The following MACROD2 variants were observed in gnomAD, a reference collection of about 807,000 sequenced individuals.
MACROD2 encodes mono-ADP ribosylhydrolase 2, also known as ADP-ribose glycohydrolase MACROD2.
A neutral mutation model predicts 70.4 loss-of-function variants in MACROD2; 36 were observed. The observed-to-expected ratio is 0.51, with a 90% CI of 0.39 to 0.68. MACROD2 has a LOEUF of 0.68. Ranked by LOEUF, MACROD2 falls within the 30% of genes least tolerant of loss-of-function variation. The pLI is 0.00. For synonymous variants in MACROD2, 172 were observed against 178.8 expected, an observed-to-expected ratio of 0.96 and a Z score of 0.30; for missense variants, 496 against 538.4, an observed-to-expected ratio of 0.92 and a Z score of 0.78.
intron 3 of MACROD2, among the ~76,000 whole-genome samples, chr20:14,178,893 G>A (rs989590858): frequency 6.6e-6 from 1 of 151,944 alleles, no homozygotes; most frequent in African/African-American, 2.4e-5. Context: ...TTACACGATG[G>A]TTCCAAACTC....
At chr20:15,047,152 T>C (rs1217480708) in intron 5 of MACROD2, among the ~76,000 whole-genome samples, 1 of 152,234 alleles carries the variant, frequency 6.6e-6, no homozygotes, top group African/African-American at 2.4e-5. Flanking sequence ...CATCATTATT[T>C]AGAAAATTTG....
chr20:14,440,081 A>G (rs996780105), intron 3 of MACROD2, among the ~76,000 whole-genome samples: 1 of 152,182 alleles, frequency 6.6e-6, no homozygotes, highest in Non-Finnish European at 1.5e-5. Flanking sequence ...CAAAGGGAAA[A>G]TATTGAAGAT....
chr20:14,754,246 G>T (rs1430930893), intron 5 of MACROD2, among the ~76,000 whole-genome samples: 2 of 152,060 alleles, frequency 1.3e-5, no homozygotes, highest in African/African-American at 4.8e-5. Flanking sequence ...TCACCGGGAT[G>T]GTTGTTATTG....
intron 4 of MACROD2, among the ~76,000 whole-genome samples, chr20:14,537,193 T>C (rs554824255): frequency 2.6e-5 from 4 of 152,306 alleles, no homozygotes; most frequent in Non-Finnish European, 5.9e-5. Flanking sequence ...AAGCATTATA[T>C]GGTGTCCTAG....
At chr20:14,777,129 T>C (rs915073827) in intron 5 of MACROD2, among the ~76,000 whole-genome samples, 1 of 152,112 alleles carries the variant, frequency 6.6e-6, no homozygotes, top group Non-Finnish European at 1.5e-5. Flanking sequence ...TAAATATTCT[T>C]GCACATGTCT....
intron 3 of MACROD2, among the ~76,000 whole-genome samples, chr20:14,454,809 G>A (rs2084282526): frequency 7.5e-6 from 1 of 133,774 alleles, no homozygotes; most frequent in Admixed American, 8.8e-5. Flanking sequence ...CTGGAGTGCA[G>A]TGGTGAGATC....
intron 5 of MACROD2, among the ~76,000 whole-genome samples, chr20:14,767,764 A>G (rs1568784669): frequency 2.0e-5 from 3 of 151,742 alleles, no homozygotes; most frequent in Non-Finnish European, 2.9e-5. Flanking sequence ...TACATTAGGT[A>G]TTTCTCCTAA....
At chr20:14,840,330 G>A (rs908507329) in intron 5 of MACROD2, among the ~76,000 whole-genome samples, 5 of 152,072 alleles carry the variant, frequency 3.3e-5, no homozygotes, top group East Asian at 1.9e-4. Context: ...GAGCCATCAC[G>A]CCTGGCCAGA....
chr20:15,571,775 T>G (rs1201309504), intron 8 of MACROD2, among the ~76,000 whole-genome samples: 1 of 152,252 alleles, frequency 6.6e-6, no homozygotes, highest in South Asian at 2.1e-4. Flanking sequence ...CTTAGAGAAC[T>G]AATCTGCAAG....
rs562942317 is a variant in MACROD2, at chr20:15,181,802, G to A, written c.419-48138G>A. Among the ~76,000 whole-genome samples, 18 of 152,134 alleles carry A rather than the reference G, an allele frequency of 1.2e-4. No homozygotes were observed. In the East Asian group the frequency reaches 3.1e-3, roughly 26 times the overall value. ...CTCACCATGTCCATCCCTTGACTTTGCTTTTTATTGCTAAATTCAATTCCT... is the reference window on the plus strand; with the variant it reads ...CTCACCATGTCCATCCCTTGACTTTACTTTTTATTGCTAAATTCAATTCCT... On this transcript the variant is annotated intron_variant, in intron 5 of 17. Coordinates refer to ENST00000684519, the MANE Select transcript of MACROD2 (RefSeq NM_001351661.2).
intron 3 of MACROD2, among the ~76,000 whole-genome samples, chr20:14,341,747 A>T (rs1301588246): frequency 6.6e-6 from 1 of 152,228 alleles, no homozygotes; most frequent in Non-Finnish European, 1.5e-5. Context: ...TCTAAGCCTT[A>T]CCTGCAAAAT....
chr20:15,071,905 T>G (rs530121648), intron 5 of MACROD2, among the ~76,000 whole-genome samples: 33 of 152,278 alleles, frequency 2.2e-4, no homozygotes, highest in African/African-American at 7.9e-4. Flanking sequence ...GCTTCATTTC[T>G]TCTATTATTG....
intron 4 of MACROD2, among the ~76,000 whole-genome samples, chr20:14,529,576 G>C (rs1025653440): frequency 2.6e-5 from 4 of 152,178 alleles, no homozygotes; most frequent in Admixed American, 1.3e-4. Flanking sequence ...CCATAAGCTA[G>C]AACTGCATCT....
chr20:15,902,657 G>A (rs572419232), intron 10 of MACROD2, among the ~76,000 whole-genome samples: 47 of 152,110 alleles, frequency 3.1e-4, no homozygotes, highest in African/African-American at 9.6e-4. Flanking sequence ...TAAGGCAGCC[G>A]CCATGTATGA....
chr20:14,477,149 A>G (rs2123061008), intron 3 of MACROD2, among the ~76,000 whole-genome samples: 1 of 152,306 alleles, frequency 6.6e-6, no homozygotes, highest in East Asian at 1.9e-4. Flanking sequence ...AAGTAGCATT[A>G]GTTAAGCATA....
At chr20:15,819,699 A>C (rs1476563826) in intron 8 of MACROD2, among the ~76,000 whole-genome samples, 2 of 151,948 alleles carry the variant, frequency 1.3e-5, no homozygotes, top group African/African-American at 4.8e-5. Context: ...AATCTCACTT[A>C]TATGTGCAAT....
At chr20:15,527,692 T>C (rs1029722436) in intron 8 of MACROD2, among the ~76,000 whole-genome samples, 1 of 152,184 alleles carries the variant, frequency 6.6e-6, no homozygotes, top group African/African-American at 2.4e-5. Flanking sequence ...ATTTCTTCCT[T>C]GGAGTCCATT....
intron 6 of MACROD2, among the ~76,000 whole-genome samples, chr20:15,275,759 T>C (rs1259094318): frequency 6.6e-6 from 1 of 152,128 alleles, no homozygotes; most frequent in Non-Finnish European, 1.5e-5. Flanking sequence ...AGGTGACTTG[T>C]GTTAGACCTG....
intron 11 of MACROD2, 134 bp downstream of exon 11, chr20:15,933,472 C>A: frequency 1.4e-6 from 1 of 720,114 alleles, no homozygotes; most frequent in Non-Finnish European, 2.2e-6. Flanking sequence ...CAGGGTCTCC[C>A]TCAGGAAGCC....
Sources: gnomAD v4.1 joint callset for allele counts (sites outside exome capture counted in the v4.1 genomes callset) on GRCh38, gnomAD v4.1.1 for gene constraint, MANE v1.5 for transcripts, NCBI Gene and HGNC (gene_info 2026-07-23, HGNC 2026-07-21) for gene names.